Variants in SLC22A24 observed in about 807,000 individuals in gnomAD.
The protein encoded by SLC22A24 is solute carrier family 22 member 24.
A neutral mutation model predicts 49.8 loss-of-function variants in SLC22A24; 53 were observed. That is an observed-to-expected ratio of 1.06 (90% CI 0.85 to 1.34). SLC22A24 has a LOEUF of 1.34. Ranked by LOEUF, SLC22A24 falls within the 40% of genes most tolerant of loss-of-function variation. The pLI is 0.00. For missense variants in SLC22A24, 786 were observed against 675.9 expected, an observed-to-expected ratio of 1.16 and a Z score of -1.81; for synonymous variants, 302 against 256.4, an observed-to-expected ratio of 1.18 and a Z score of -1.70.
In SLC22A24 at chr11:63,088,285, G is replaced by T. The variant is rs1477291966; in HGVS notation, c.1071-4828C>A. 2.6e-5 allele frequency among the ~76,000 whole-genome samples: 4 copies of T among 152,118 alleles called. No individual in the cohort carries two copies. The East Asian group carries it at 5.8e-4, about 22-fold the overall frequency. ...CCACTGGTGATACCCAGGTGAAAAGGGTCTGGAGTGGACCTCAAACAAACT... is the reference window on the plus strand; with the variant it reads ...CCACTGGTGATACCCAGGTGAAAAGTGTCTGGAGTGGACCTCAAACAAACT... On this transcript the variant is annotated intron_variant, in intron 6 of 9. Coordinates refer to ENST00000612278, the MANE Select transcript of SLC22A24 (RefSeq NM_001136506.2).
At chr11:63,104,374 C>G (rs1450855746) in intron 4 of SLC22A24, 76 bp from the exon 5 acceptor site, 1 of 1,427,244 alleles carries the variant, frequency 7.0e-7, no homozygotes, top group Non-Finnish European at 9.3e-7. Context: ...AAATTCCTTT[C>G]CCCTTTGATT....
intron 6 of SLC22A24, among the ~76,000 whole-genome samples, chr11:63,089,942 G>T (rs940305651): frequency 6.6e-6 from 1 of 151,712 alleles, no homozygotes; most frequent in African/African-American, 2.4e-5. Flanking sequence ...TTAGCCAGGC[G>T]TGGTGGTGGG....
intron 5 of SLC22A24, among the ~76,000 whole-genome samples, chr11:63,098,049 C>A (rs112545435): frequency 6.6e-6 from 1 of 152,104 alleles, no homozygotes; most frequent in African/African-American, 2.4e-5. Flanking sequence ...AACAAACCTG[C>A]ATGTTCTACA....
At position 63,143,763 on chromosome 11, in the gene SLC22A24, A is replaced by G; in HGVS notation, c.17T>C (p.Leu6Pro). The G allele has an allele frequency of 7.0e-7, 1 of 1,432,962 alleles. No homozygotes were observed. The highest frequency in any genetic ancestry group is 1.5e-5 in the African/African-American group (1 of 68,844). The allele number at this position is 1,432,962 out of a possible 1,614,324, so 88.8% of individuals were successfully genotyped here. Residue 6 changes from leucine to proline, a missense_variant, in exon 1 of 10, where the codon CTC (leucine) becomes CCC (proline). By Grantham distance (98) the Leu-to-Pro change is moderately conservative. Coordinates refer to ENST00000612278, the MANE Select transcript of SLC22A24 (RefSeq NM_001136506.2). ...CCCCATGCCACCCACTTGATCCAGG[A>G]GCACATCAAAGCCCATTGAGACTGA... MGFDV[L>P]LDQVGGMGRF...
rs898192410 is a variant in SLC22A24, at chr11:63,094,894, T to C, written c.1070+1097A>G. Reference sequence around the variant, plus strand: ...TTCTGGATATTAGCCCTTTGTCAGATGAGTAGGTTGCAACAATTTTCTCCC... The same window carrying C: ...TTCTGGATATTAGCCCTTTGTCAGACGAGTAGGTTGCAACAATTTTCTCCC... On this transcript the variant is annotated intron_variant, in intron 6 of 9. Transcript: ENST00000612278. 3.3e-5 allele frequency among the ~76,000 whole-genome samples: 5 copies of C among 152,206 alleles called. No homozygotes were observed. In the East Asian group the frequency reaches 7.7e-4, roughly 23 times the overall value.
intron 9 of SLC22A24, among the ~76,000 whole-genome samples, chr11:63,080,644 G>A (rs569575412): frequency 6.6e-6 from 1 of 152,206 alleles, no homozygotes; most frequent in Admixed American, 6.5e-5. Context: ...AGGGCAGAAA[G>A]TATGTGCCAC....
chr11:63,094,291 C>G (rs1565325249), intron 6 of SLC22A24, among the ~76,000 whole-genome samples: 1 of 148,592 alleles, frequency 6.7e-6, no homozygotes. Context: ...GGTTTCCAGT[C>G]CCTACAAAGG....
intron 2 of SLC22A24, among the ~76,000 whole-genome samples, chr11:63,133,709 T>G (rs1274731505): frequency 6.6e-6 from 1 of 152,182 alleles, no homozygotes; most frequent in Non-Finnish European, 1.5e-5. Context: ...TGGCATGATC[T>G]CAGCTCACTG....
intron 6 of SLC22A24, among the ~76,000 whole-genome samples, chr11:63,094,949 G>A (rs2087044306): frequency 6.6e-6 from 1 of 152,068 alleles, no homozygotes; most frequent in Non-Finnish European, 1.5e-5. Context: ...CACTCTGCTG[G>A]TAGTTTCTTT....
chr11:63,107,564 G>A (rs1021419884), intron 4 of SLC22A24, among the ~76,000 whole-genome samples: 12 of 152,162 alleles, frequency 7.9e-5, no homozygotes, highest in African/African-American at 2.9e-4. Context: ...CTGTCCATGA[G>A]CATGGAATGT....
At chr11:63,080,833 GC>G in intron 9 of SLC22A24, 86 bp downstream of exon 9, 1 of 1,147,452 alleles carries the variant, frequency 8.7e-7, no homozygotes, top group Non-Finnish European at 1.2e-6. Flanking sequence ...AGGACAGAGG[GC>G]CCCAAATGGT....
chr11:63,142,950 T>G (rs543463094), intron 1 of SLC22A24, among the ~76,000 whole-genome samples: 11 of 152,208 alleles, frequency 7.2e-5, no homozygotes, highest in African/African-American at 2.6e-4. Flanking sequence ...CAACCAAAAC[T>G]AAGTATCTCA....
At position 63,143,627 on chromosome 11, in the gene SLC22A24, G is replaced by T. The variant is rs1400347566; in HGVS notation, c.153C>A (p.Val51=). The change falls in exon 1 of 10, where the codon GTC becomes GTA. Residue 51 remains valine, a synonymous_variant. Coordinates refer to ENST00000612278, the MANE Select transcript of SLC22A24 (RefSeq NM_001136506.2). ...TAFTPSHRCW[V]PLLDNDTVSD... ...ACACAGTGTCATTGTCCAGGAGGGG[G>T]ACCCAGCAGCGATGACTAGGGGTGA... 1 of 1,591,616 alleles carries T rather than the reference G, an allele frequency of 6.3e-7. No individual in the cohort carries two copies. The highest frequency in any genetic ancestry group is 8.6e-7 in the Non-Finnish European group (1 of 1,169,554).
At chr11:63,104,360 C>T in intron 4 of SLC22A24, 62 bp from the exon 5 acceptor site, 2 of 1,462,504 alleles carry the variant, frequency 1.4e-6, no homozygotes, top group Non-Finnish European at 1.8e-6. Flanking sequence ...TAACCTTTAA[C>T]ATGAAATTCC....
intron 6 of SLC22A24, among the ~76,000 whole-genome samples, chr11:63,088,788 T>C (rs138474454): frequency 3.8e-4 from 57 of 151,768 alleles, no homozygotes; most frequent in African/African-American, 1.3e-3. Context: ...TACATACAAA[T>C]ATTATAGCCA....
chr11:63,131,027 A>G (rs1590749136), intron 2 of SLC22A24, among the ~76,000 whole-genome samples: 1 of 152,108 alleles, frequency 6.6e-6, no homozygotes, highest in East Asian at 1.9e-4. Context: ...ACCATTATAT[A>G]GTGGCCTTCT....
At chr11:63,130,616 G>A (rs1446789243) in intron 2 of SLC22A24, among the ~76,000 whole-genome samples, 2 of 152,100 alleles carry the variant, frequency 1.3e-5, no homozygotes, top group African/African-American at 2.4e-5. Flanking sequence ...GACTTTTTTT[G>A]ATTGGTGGGC....
At chr11:63,136,351 T>G (rs1939757) in intron 1 of SLC22A24, among the ~76,000 whole-genome samples, 10 of 152,002 alleles carry the variant, frequency 6.6e-5, no homozygotes, top group Non-Finnish European at 1.2e-4. Flanking sequence ...TGCTCAGCAC[T>G]TCGATGAGAT....
intron 2 of SLC22A24, among the ~76,000 whole-genome samples, chr11:63,125,592 A>G (rs1338658676): frequency 6.6e-6 from 1 of 152,116 alleles, no homozygotes; most frequent in Non-Finnish European, 1.5e-5. Flanking sequence ...AGTATTTGCT[A>G]TTGTGAATAG....
Sources: allele counts gnomAD v4.1 joint callset (sites outside exome capture counted in the v4.1 genomes callset), GRCh38; gene constraint gnomAD v4.1.1; transcripts MANE v1.5; gene names NCBI Gene and HGNC (gene_info 2026-07-23, HGNC 2026-07-21).